The following CHSY1 variants were observed in gnomAD, a reference collection of about 807,000 sequenced individuals.
CHSY1 encodes N-acetylgalactosaminyl-proteoglycan 3-beta-glucuronosyltransferase 1.
A neutral mutation model predicts 59.8 loss-of-function variants in CHSY1; 13 were observed. The observed-to-expected ratio is 0.22, with a 90% CI of 0.14 to 0.35. The LOEUF (loss-of-function observed/expected upper bound fraction) is 0.35, where lower values mean the gene tolerates loss of function less well. CHSY1 is among the 10% of genes least tolerant of loss of function. The probability of loss-of-function intolerance (pLI) is 1.00; values close to 1 mark genes in which losing one functional copy is unlikely to be tolerated. For missense variants in CHSY1, 947 were observed against 1,030.6 expected (o/e 0.92, Z 1.11); for synonymous variants, 459 against 401.2 (o/e 1.14, Z -1.72).
At chr15:101,227,454 A>G (rs2038851401) in intron 2 of CHSY1, among the ~76,000 whole-genome samples, 1 of 152,246 alleles carries the variant, frequency 6.6e-6, no homozygotes. Context: ...ATGGCTAACC[A>G]TACACGCAGT....
rs74040398 is a variant in CHSY1, at chr15:101,232,262, A to G, written c.816+2820T>C. ...GTCTTTAACATAAGACTCCACCTCAATAATTTCCCATAATGTGAACCTTAA... is the reference window on the plus strand; with the variant it reads ...GTCTTTAACATAAGACTCCACCTCAGTAATTTCCCATAATGTGAACCTTAA... On this transcript the variant is annotated intron_variant, in intron 2 of 2. Coordinates refer to ENST00000254190, the MANE Select transcript of CHSY1 (RefSeq NM_014918.5). 5.2e-3 allele frequency among the ~76,000 whole-genome samples: 795 copies of G among 152,322 alleles called. 9 individuals are homozygous for G. Among genetic ancestry groups the G allele is most frequent in the African/African-American group, 0.018 (757 of 41,574 alleles).
At chr15:101,222,065 TAAC>T (rs2038794571) in intron 2 of CHSY1, among the ~76,000 whole-genome samples, 1 of 152,184 alleles carries the variant, frequency 6.6e-6, no homozygotes, top group Admixed American at 6.5e-5. Flanking sequence ...TTTACAGTAA[TAAC>T]ACAGCACATT....
At chr15:101,179,032 C>A in intron 2 of CHSY1, 52 bp from the exon 3 acceptor site, 1 of 1,537,132 alleles carries the variant, frequency 6.5e-7, no homozygotes, top group Non-Finnish European at 9.0e-7. Context: ...TGATTGAGTG[C>A]CAGCACATGC....
At chr15:101,180,532 G>A (rs2038263032) in intron 2 of CHSY1, among the ~76,000 whole-genome samples, 1 of 152,024 alleles carries the variant, frequency 6.6e-6, no homozygotes, top group Admixed American at 6.6e-5. Context: ...CTCCGACTCT[G>A]ACCCCCATGC....
intron 2 of CHSY1, among the ~76,000 whole-genome samples, chr15:101,196,693 T>G (rs1347783071): frequency 6.6e-6 from 1 of 152,172 alleles, no homozygotes; most frequent in East Asian, 1.9e-4. Flanking sequence ...AGCCACAATT[T>G]AAATGTAAAT....
intron 2 of CHSY1, among the ~76,000 whole-genome samples, chr15:101,216,551 G>A (rs1218855774): frequency 6.6e-6 from 1 of 152,252 alleles, no homozygotes; most frequent in Non-Finnish European, 1.5e-5. Flanking sequence ...GATTAAAAGA[G>A]AAGTGAGCCA....
rs547568405 is a variant in CHSY1 at position 101,205,893 on chromosome 15, A to T, written c.817-26913T>A. Among the ~76,000 whole-genome samples the T allele has an allele frequency of 2.6e-5, 4 of 152,160 alleles. No individual in the cohort carries two copies. The South Asian group carries it at 8.3e-4, about 32-fold the overall frequency. ...CGTGAACCCAGGAGGCGGAGCTTGCAGTGAGCCGAGATAGCGCCACTACAC... is the reference window on the plus strand; with the variant it reads ...CGTGAACCCAGGAGGCGGAGCTTGCTGTGAGCCGAGATAGCGCCACTACAC... On this transcript the variant is annotated intron_variant, in intron 2 of 2. Coordinates refer to ENST00000254190, the MANE Select transcript of CHSY1 (RefSeq NM_014918.5).
chr15:101,238,306 A>G (rs2038967598), intron 1 of CHSY1, among the ~76,000 whole-genome samples: 1 of 152,210 alleles, frequency 6.6e-6, no homozygotes, highest in Non-Finnish European at 1.5e-5. Context: ...TTACTTTTGT[A>G]ATTTTAAAAA....
At chr15:101,235,755 C>T (rs2038935017) in intron 1 of CHSY1, among the ~76,000 whole-genome samples, 178 bp from the exon 2 acceptor site, 1 of 152,062 alleles carries the variant, frequency 6.6e-6, no homozygotes, top group Non-Finnish European at 1.5e-5. Flanking sequence ...TCTAAATTAA[C>T]TTTCAAAAGA....
chr15:101,229,356 G>T (rs1297082179), intron 2 of CHSY1, among the ~76,000 whole-genome samples: 1 of 152,000 alleles, frequency 6.6e-6, no homozygotes, highest in African/African-American at 2.4e-5. Context: ...CAAGTTGAAA[G>T]TAAAAGGATG....
chr15:101,186,837 A>AACAG (rs1567088511), intron 2 of CHSY1: 4 of 152,114 alleles, frequency 2.6e-5, no homozygotes, highest in African/African-American at 9.7e-5. Flanking sequence ...CAAAAACAAA[A>AACAG]ACAGACAAAA....
chr15:101,225,664 A>C (rs1206327591), intron 2 of CHSY1, among the ~76,000 whole-genome samples: 1 of 152,106 alleles, frequency 6.6e-6, no homozygotes, highest in Non-Finnish European at 1.5e-5. Flanking sequence ...TTTGCCTTCC[A>C]CCATGAGTAA....
chr15:101,251,149 A>G lies in CHSY1; in HGVS notation c.308T>C (p.Val103Ala), dbSNP rs755761168. 3.1e-6 allele frequency: 5 copies of G among 1,589,912 alleles called. No individual in the cohort carries two copies. The highest frequency in any genetic ancestry group is 4.3e-6 in the Non-Finnish European group (5 of 1,172,246). Residue 103 changes from valine (V) to alanine (A), a missense_variant, in exon 1 of 3, where the codon GTG becomes GCG. Val to Ala is a moderately conservative substitution (Grantham distance 64). Coordinates refer to ENST00000254190, the MANE Select transcript of CHSY1 (RefSeq NM_014918.5). ...AGCAGGGGCTCACCTGTAGGCGGCC[A>G]CGGCCCGAGTCTGCAGGTATTTCTG... The part of the protein sequence containing the change: ...TAQKYLQTRA[V>A]AAYRTWSKTI...
At position 101,176,812 on chromosome 15, in the gene CHSY1, AAAAC is replaced by A. The variant is rs1469601897; in HGVS notation, c.*572_*575del. ...CTCCGTCTCAAAAAAAGAACAAAAC[AAAAC>A]AAACAAAAAACCTACGTGGCCATGC... On this transcript the variant is annotated 3_prime_UTR_variant, in exon 3 of 3. Transcript: ENST00000254190. 2 of 167,274 alleles carry A rather than the reference AAAAC, an allele frequency of 1.2e-5. No individual in the cohort carries two copies. Among genetic ancestry groups the A allele is most frequent in the African/African-American group, 2.4e-5 (1 of 42,104 alleles). 10.4% of individuals were successfully genotyped at this position (167,274 alleles called of 1,614,324 possible).
chr15:101,232,689 G>T (rs2038903202), intron 2 of CHSY1, among the ~76,000 whole-genome samples: 1 of 152,346 alleles, frequency 6.6e-6, no homozygotes, highest in East Asian at 1.9e-4. Flanking sequence ...AAGGTGAAAA[G>T]TTAAGTCACA....
At chr15:101,243,734 C>A (rs1464524824) in intron 1 of CHSY1, among the ~76,000 whole-genome samples, 1 of 152,240 alleles carries the variant, frequency 6.6e-6, no homozygotes, top group Non-Finnish European at 1.5e-5. Flanking sequence ...ACAAAACCTG[C>A]CGGTCAAGGA....
chr15:101,247,375 A>G (rs2039062098), intron 1 of CHSY1, among the ~76,000 whole-genome samples: 1 of 152,078 alleles, frequency 6.6e-6, no homozygotes, highest in Non-Finnish European at 1.5e-5. Context: ...CTAATCACCT[A>G]ACACAGAGAG....
chr15:101,210,813 A>C (rs2038674782), intron 2 of CHSY1, among the ~76,000 whole-genome samples: 1 of 152,208 alleles, frequency 6.6e-6, no homozygotes, highest in Non-Finnish European at 1.5e-5. Context: ...TTCAGTCAAA[A>C]GCTACTAAAC....
intron 2 of CHSY1, among the ~76,000 whole-genome samples, chr15:101,206,824 C>G (rs912296040): frequency 6.6e-6 from 1 of 152,136 alleles, no homozygotes; most frequent in Admixed American, 6.5e-5. Flanking sequence ...CCAAAAAATA[C>G]CAAATTTCTT....
Sources: gnomAD v4.1 joint callset for allele counts (sites outside exome capture counted in the v4.1 genomes callset) on GRCh38, gnomAD v4.1.1 for gene constraint, MANE v1.5 for transcripts, NCBI Gene and HGNC (gene_info 2026-07-23, HGNC 2026-07-21) for gene names.